Variants in GABRG3 observed in about 807,000 individuals in gnomAD.
The protein encoded by GABRG3 is gamma-aminobutyric acid receptor subunit gamma-3.
GABRG3 carries 25 observed loss-of-function variants against 48.8 expected under a neutral mutation model. The ratio of observed to expected loss-of-function variants is 0.51; its 90% CI spans 0.37 to 0.72. The LOEUF is 0.72. GABRG3 is among the 30% of genes least tolerant of loss of function. GABRG3 has a pLI of 0.00. For synonymous variants in GABRG3, 227 were observed against 217.6 expected, an observed-to-expected ratio of 1.04 and a Z score of -0.38; for missense variants, 394 against 577.9, an observed-to-expected ratio of 0.68 and a Z score of 3.26.
At chr15:27,141,431 G>C (rs1898100796) in intron 3 of GABRG3, among the ~76,000 whole-genome samples, 1 of 152,140 alleles carries the variant, frequency 6.6e-6, no homozygotes. Flanking sequence ...TGGTTCCTGC[G>C]AGATTTTATT....
intron 5 of GABRG3, among the ~76,000 whole-genome samples, chr15:27,455,311 T>C (rs1889230806): frequency 6.6e-6 from 1 of 152,220 alleles, no homozygotes; most frequent in African/African-American, 2.4e-5. Flanking sequence ...CTAGTGTGTA[T>C]GTGTGCTGTG....
At chr15:27,128,115 A>G (rs937986442) in intron 3 of GABRG3, among the ~76,000 whole-genome samples, 1 of 152,204 alleles carries the variant, frequency 6.6e-6, no homozygotes, top group Non-Finnish European at 1.5e-5. Context: ...TAATCCCAGC[A>G]TTTTGGGAGG....
intron 3 of GABRG3, among the ~76,000 whole-genome samples, chr15:27,217,849 G>A (rs545515327): frequency 6.6e-6 from 1 of 152,318 alleles, no homozygotes; most frequent in Admixed American, 6.5e-5. Flanking sequence ...AGTCGCCACA[G>A]GTGCCTTCTT....
intron 3 of GABRG3, among the ~76,000 whole-genome samples, chr15:27,141,757 C>T (rs1898107113): frequency 6.6e-6 from 1 of 152,162 alleles, no homozygotes; most frequent in Non-Finnish European, 1.5e-5. Context: ...ATTCAGGATA[C>T]AGTGAATGAA....
chr15:27,215,064 C>T (rs1162193757), intron 3 of GABRG3, among the ~76,000 whole-genome samples: 1 of 152,314 alleles, frequency 6.6e-6, no homozygotes, highest in East Asian at 1.9e-4. Flanking sequence ...CCATGGCCTT[C>T]ATTTCTTTTT....
At chr15:27,308,057 CATAT>C (rs1165478786) in intron 3 of GABRG3, among the ~76,000 whole-genome samples, 5 of 131,010 alleles carry the variant, frequency 3.8e-5, no homozygotes, top group Middle Eastern at 0.012. Context: ...ATAATATAAA[CATAT>C]ATAAACATAT....
chr15:27,057,431 G>C (rs532232380), intron 3 of GABRG3, among the ~76,000 whole-genome samples: 1 of 152,290 alleles, frequency 6.6e-6, no homozygotes, highest in Non-Finnish European at 1.5e-5. Context: ...AGGAGAAAAT[G>C]GTAAATGACA....
intron 3 of GABRG3, among the ~76,000 whole-genome samples, chr15:27,229,881 G>T (rs186620016): frequency 4.6e-5 from 7 of 152,112 alleles, no homozygotes; most frequent in African/African-American, 1.7e-4. Context: ...AGCTATTCAG[G>T]CTCTTTTTTT....
chr15:27,472,744 ATTAAT>A (rs776028292), intron 5 of GABRG3, among the ~76,000 whole-genome samples: 1 of 152,314 alleles, frequency 6.6e-6, no homozygotes, highest in African/African-American at 2.4e-5. Flanking sequence ...CTATTTTCCT[ATTAAT>A]TTAAGTTATT....
rs1481595120 is a variant in GABRG3 at position 27,204,302 on chromosome 15, A to AGAGT, written c.271-122505_271-122502dup. 3.3e-5 allele frequency among the ~76,000 whole-genome samples: 5 copies of AGAGT among 152,122 alleles called. No individual in the cohort carries two copies. The South Asian group carries it at 8.3e-4, about 25-fold the overall frequency. ...TATCCTAACACCATTTATTGAATAG[A>AGAGT]GAGTGCTTTCCCTATTGCTTGTTAT... On this transcript the variant is annotated intron_variant, in intron 3 of 9. Transcript: ENST00000615808.
chr15:27,209,027 G>A (rs752812358), intron 3 of GABRG3, among the ~76,000 whole-genome samples: 14 of 152,228 alleles, frequency 9.2e-5, no homozygotes, highest in Non-Finnish European at 1.8e-4. Context: ...TGTTGCTGAT[G>A]CTTCCTCCCC....
intron 3 of GABRG3, among the ~76,000 whole-genome samples, chr15:27,186,779 G>A (rs1038127947): frequency 4.6e-5 from 7 of 151,974 alleles, no homozygotes; most frequent in East Asian, 1.9e-4. Flanking sequence ...ATTTTTTCAC[G>A]TTTGGTGTCT....
chr15:27,437,582 C>T (rs1478128848), intron 5 of GABRG3, among the ~76,000 whole-genome samples: 1 of 152,188 alleles, frequency 6.6e-6, no homozygotes, highest in Non-Finnish European at 1.5e-5. Flanking sequence ...TGGCCCACAA[C>T]AAAAACTAGA....
intron 2 of GABRG3, among the ~76,000 whole-genome samples, chr15:27,022,719 C>T (rs573070146): frequency 6.6e-6 from 1 of 152,308 alleles, no homozygotes; most frequent in Non-Finnish European, 1.5e-5. Flanking sequence ...GCCCTGCATT[C>T]CTTCCCCAGC....
At chr15:27,288,502 T>C (rs535612905) in intron 3 of GABRG3, among the ~76,000 whole-genome samples, 2 of 151,854 alleles carry the variant, frequency 1.3e-5, no homozygotes, top group South Asian at 4.2e-4. Flanking sequence ...GCACATGCAG[T>C]TCACAATAGG....
chr15:27,372,065 A>C (rs1473922981), intron 5 of GABRG3, among the ~76,000 whole-genome samples: 1 of 152,154 alleles, frequency 6.6e-6, no homozygotes, highest in Non-Finnish European at 1.5e-5. Flanking sequence ...ATAATTAGTA[A>C]TATTTTATTA....
At chr15:27,086,558 T>G (rs1230744772) in intron 3 of GABRG3, among the ~76,000 whole-genome samples, 1 of 152,232 alleles carries the variant, frequency 6.6e-6, no homozygotes, top group Non-Finnish European at 1.5e-5. Context: ...TTGTCAAAAC[T>G]GTAATTAATG....
intron 3 of GABRG3, among the ~76,000 whole-genome samples, chr15:27,087,529 G>A (rs998659383): frequency 3.3e-5 from 5 of 152,202 alleles, no homozygotes; most frequent in Non-Finnish European, 7.3e-5. Context: ...GCCACATGGT[G>A]ATAAAGTCTT....
chr15:27,422,271 C>A (rs557038271), intron 5 of GABRG3: 6 of 153,064 alleles, frequency 3.9e-5, no homozygotes, highest in Admixed American at 3.3e-4. Flanking sequence ...GCATATCCAC[C>A]AATACTGAGT....
Sources: allele counts gnomAD v4.1 joint callset (sites outside exome capture counted in the v4.1 genomes callset), GRCh38; gene constraint gnomAD v4.1.1; transcripts MANE v1.5; gene names NCBI Gene and HGNC (gene_info 2026-07-23, HGNC 2026-07-21).